Variants in IQCM observed in about 807,000 individuals in gnomAD.
The protein encoded by IQCM is IQ domain-containing protein M.
IQCM carries 45 observed loss-of-function variants against 57.6 expected under a neutral mutation model. The ratio of observed to expected loss-of-function variants is 0.78; its 90% CI spans 0.62 to 1.00. The LOEUF is 1.00. Among genes scored for constraint, IQCM ranks in the 50% least tolerant of loss-of-function variants. IQCM has a pLI of 0.00. For synonymous variants in IQCM, 148 were observed against 158.9 expected (o/e 0.93, Z 0.51); for missense variants, 468 against 511.6 (o/e 0.91, Z 0.82).
chr4:149,528,105 C>T (rs1746353689), intron 12 of IQCM, among the ~76,000 whole-genome samples: 1 of 151,894 alleles, frequency 6.6e-6, no homozygotes, highest in Admixed American at 6.6e-5. Context: ...CGTGCCGCAG[C>T]CTCCTGAGTA....
chr4:149,727,163 C>A (rs1160910794), intron 5 of IQCM, among the ~76,000 whole-genome samples: 2 of 152,152 alleles, frequency 1.3e-5, no homozygotes, highest in African/African-American at 2.4e-5. Flanking sequence ...ACAATATTAT[C>A]TATAAATTAA....
At chr4:149,470,177 G>C (rs111497576) in intron 12 of IQCM, among the ~76,000 whole-genome samples, 23 of 152,174 alleles carry the variant, frequency 1.5e-4, no homozygotes, top group African/African-American at 5.5e-4. Flanking sequence ...ACACAGACTG[G>C]CAAATTGGTT....
At chr4:149,534,988 G>A (rs1200840968) in intron 12 of IQCM, among the ~76,000 whole-genome samples, 1 of 152,060 alleles carries the variant, frequency 6.6e-6, no homozygotes, top group African/African-American at 2.4e-5. Context: ...TATCGTGCAT[G>A]ACAGGCTTCA....
At chr4:149,610,104 G>T (rs1755147477) in intron 8 of IQCM, among the ~76,000 whole-genome samples, 1 of 151,550 alleles carries the variant, frequency 6.6e-6, no homozygotes, top group African/African-American at 2.4e-5. Context: ...ATCTGAAAAA[G>T]AAACCAACAA....
intron 7 of IQCM, among the ~76,000 whole-genome samples, chr4:149,654,027 C>T (rs888539396): frequency 9.2e-5 from 14 of 152,106 alleles, no homozygotes; most frequent in African/African-American, 3.4e-4. Context: ...AAAGGAGGTG[C>T]TTTACATATG....
rs756032163 is a variant in IQCM at position 149,779,479 on chromosome 4, G to A, written c.-49+35832C>T. 8.2e-4 allele frequency among the ~76,000 whole-genome samples: 124 copies of A among 152,076 alleles called. 2 individuals are homozygous for A. Among genetic ancestry groups the A allele is most frequent in the Admixed American group, 3.3e-4 (5 of 15,270 alleles). Reference sequence around the variant, plus strand: ...TCAAAACACCAATATGCTGGGTTTTGACAAAGAAGCAAAATTCAATGAAAG... The same window carrying A: ...TCAAAACACCAATATGCTGGGTTTTAACAAAGAAGCAAAATTCAATGAAAG... On this transcript the variant is annotated intron_variant, in intron 2 of 13. Coordinates refer to ENST00000636793, the MANE Select transcript of IQCM (RefSeq NM_001363507.2).
rs143567166 is a variant in IQCM, at chr4:149,750,867, T to C, written c.-48-8128A>G. Among the ~76,000 whole-genome samples, 284 of 152,362 alleles carry C rather than the reference T, an allele frequency of 1.9e-3. 2 individuals are homozygous for C. The highest frequency in any genetic ancestry group is 6.3e-3 in the African/African-American group (264 of 41,584). The stretch of plus-strand genomic sequence containing the variant: ...AAATTAGAGGCCAAAACTGTTCAAC[T>C]GTTCCAATAGAATTATGCTGTGCTT... On this transcript the variant is annotated intron_variant, in intron 2 of 13. Transcript: ENST00000636793.
intron 7 of IQCM, among the ~76,000 whole-genome samples, chr4:149,649,596 C>T (rs1355645110): frequency 1.3e-5 from 2 of 152,004 alleles, no homozygotes. Context: ...ATATTACCAC[C>T]TACCCATTAA....
At chr4:149,508,914 C>T (rs954529718) in intron 12 of IQCM, among the ~76,000 whole-genome samples, 1 of 152,184 alleles carries the variant, frequency 6.6e-6, no homozygotes, top group African/African-American at 2.4e-5. Flanking sequence ...GTGCTGTTCT[C>T]ATGATAGTGA....
At chr4:149,363,537 T>G (rs1395916240) in intron 13 of IQCM, among the ~76,000 whole-genome samples, 3 of 152,190 alleles carry the variant, frequency 2.0e-5, no homozygotes, top group Admixed American at 2.0e-4. Context: ...GTTATGTATT[T>G]CAGAGATTGT....
intron 13 of IQCM, among the ~76,000 whole-genome samples, chr4:149,367,549 C>T (rs1296837255): frequency 6.6e-6 from 1 of 152,022 alleles, no homozygotes; most frequent in East Asian, 1.9e-4. Context: ...ATGAATGGGC[C>T]ATAATATTCC....
chr4:149,638,681 T>C (rs989416941), intron 7 of IQCM, among the ~76,000 whole-genome samples: 2 of 152,218 alleles, frequency 1.3e-5, no homozygotes, highest in African/African-American at 4.8e-5. Flanking sequence ...ATATCAGCTA[T>C]TGACTAATTC....
chr4:149,509,038 A>G (rs906190531), intron 12 of IQCM, among the ~76,000 whole-genome samples: 1 of 152,122 alleles, frequency 6.6e-6, no homozygotes, highest in Non-Finnish European at 1.5e-5. Context: ...TGATTGTAAG[A>G]CCTTACCAGC....
intron 9 of IQCM, among the ~76,000 whole-genome samples, chr4:149,566,468 C>T (rs1288603241): frequency 6.6e-6 from 1 of 151,790 alleles, no homozygotes; most frequent in Non-Finnish European, 1.5e-5. Flanking sequence ...GTTTTTAATC[C>T]TCTACTGAAA....
intron 3 of IQCM, among the ~76,000 whole-genome samples, chr4:149,740,034 T>C (rs757431989): frequency 1.9e-4 from 29 of 152,184 alleles, no homozygotes; most frequent in Non-Finnish European, 4.0e-4. Context: ...TGAGTAAGTA[T>C]TTTCTGTATC....
At chr4:149,591,425 C>A (rs1352780717) in intron 8 of IQCM, among the ~76,000 whole-genome samples, 1 of 151,564 alleles carries the variant, frequency 6.6e-6, no homozygotes, top group Non-Finnish European at 1.5e-5. Context: ...CCTATTATGC[C>A]CCAACACTTA....
intron 12 of IQCM, among the ~76,000 whole-genome samples, chr4:149,510,259 T>G (rs1238441744): frequency 6.6e-6 from 1 of 152,164 alleles, no homozygotes; most frequent in Non-Finnish European, 1.5e-5. Flanking sequence ...TACTGGTCAT[T>G]CGAATGTACT....
At chr4:149,592,793 C>T (rs1270729751) in intron 8 of IQCM, among the ~76,000 whole-genome samples, 3 of 151,570 alleles carry the variant, frequency 2.0e-5, no homozygotes, top group Non-Finnish European at 2.9e-5. Context: ...TTCTGAGGGC[C>T]CTGTTCTGTT....
intron 8 of IQCM, among the ~76,000 whole-genome samples, chr4:149,594,319 T>C (rs938670936): frequency 8.5e-5 from 13 of 152,204 alleles, no homozygotes; most frequent in Admixed American, 4.6e-4. Context: ...TTTATCATTT[T>C]TATTGCATCT....
Sources: allele counts gnomAD v4.1 joint callset (sites outside exome capture counted in the v4.1 genomes callset), GRCh38; gene constraint gnomAD v4.1.1; transcripts MANE v1.5; gene names NCBI Gene and HGNC (gene_info 2026-07-23, HGNC 2026-07-21).